Variants in TMTC1 observed in about 807,000 individuals in gnomAD.
TMTC1 encodes transmembrane O-mannosyltransferase targeting cadherins 1.
Under a neutral mutation model 104.8 loss-of-function variants are expected in TMTC1, and 73 were observed. The observed-to-expected ratio is 0.70, with a 90% CI of 0.58 to 0.85. TMTC1 has a LOEUF of 0.85. Ranked by LOEUF, TMTC1 falls within the 40% of genes least tolerant of loss-of-function variation. TMTC1 has a pLI of 0.00. For synonymous variants in TMTC1, 434 were observed against 428.7 expected (o/e 1.01, Z -0.15); for missense variants, 1,035 against 1,096.1 (o/e 0.94, Z 0.79).
chr12:29,670,255 G>C (rs902083822), intron 5 of TMTC1, among the ~76,000 whole-genome samples: 2 of 152,218 alleles, frequency 1.3e-5, no homozygotes, highest in East Asian at 3.9e-4. Flanking sequence ...TTTGATACTG[G>C]GACTGTCTGG....
intron 5 of TMTC1, among the ~76,000 whole-genome samples, chr12:29,682,340 T>G (rs921797960): frequency 1.3e-5 from 2 of 152,114 alleles, no homozygotes; most frequent in African/African-American, 4.8e-5. Flanking sequence ...CTTAAAAAGC[T>G]CAACATACAG....
chr12:29,573,117 CG>C (rs1555171030), intron 8 of TMTC1, among the ~76,000 whole-genome samples: 1 of 152,044 alleles, frequency 6.6e-6, no homozygotes, highest in Non-Finnish European at 1.5e-5. Flanking sequence ...GCACAGTACT[CG>C]GGGGTGCTGT....
intron 5 of TMTC1, among the ~76,000 whole-genome samples, chr12:29,691,827 T>A (rs1323802891): frequency 7.0e-6 from 1 of 143,048 alleles, no homozygotes; most frequent in Non-Finnish European, 1.5e-5. Context: ...AGGAAAAACA[T>A]GAAATTCGGG....
At chr12:29,601,916 A>C (rs1367852162) in intron 7 of TMTC1, among the ~76,000 whole-genome samples, 1 of 143,846 alleles carries the variant, frequency 7.0e-6, no homozygotes, top group African/African-American at 2.6e-5. Flanking sequence ...GCTCACTGCA[A>C]GTTCCGCCTC....
At chr12:29,660,062 C>A in intron 5 of TMTC1, 2 of 1,145,960 alleles carry the variant, frequency 1.7e-6, no homozygotes, top group Non-Finnish European at 2.5e-6. Context: ...GTTCCTCTAA[C>A]AGGGAATGAA....
chr12:29,722,457 C>G (rs1942262591), intron 5 of TMTC1, among the ~76,000 whole-genome samples: 1 of 152,154 alleles, frequency 6.6e-6, no homozygotes, highest in Non-Finnish European at 1.5e-5. Flanking sequence ...CAGGTAATGA[C>G]AAAGCTGCCT....
In TMTC1 at chr12:29,514,996, C is replaced by T. The variant is rs572282407; in HGVS notation, c.2308-392G>A. ...TGCCACTGCACTCCAGCCTGGGCAA[C>T]AGAGGAAGACCTTGTCTCAAATATA... On this transcript the variant is annotated intron_variant, in intron 15 of 17. Transcript: ENST00000539277. Among the ~76,000 whole-genome samples, 34 of 152,230 alleles carry T rather than the reference C, an allele frequency of 2.2e-4. 1 individual carries two copies. Among genetic ancestry groups the T allele is most frequent in the African/African-American group, 7.9e-4 (33 of 41,512 alleles).
chr12:29,743,022 G>T (rs1942866877), intron 5 of TMTC1, among the ~76,000 whole-genome samples: 2 of 152,164 alleles, frequency 1.3e-5, no homozygotes, highest in African/African-American at 4.8e-5. Context: ...ATGGGAGAGG[G>T]GAGTTAAATC....
chr12:29,633,416 TA>T (rs1239240864), intron 5 of TMTC1, 80 bp from the exon 6 acceptor site: 53 of 1,188,384 alleles, frequency 4.5e-5, no homozygotes, highest in Non-Finnish European at 6.2e-5. Flanking sequence ...ATATTTTTAT[TA>T]AATAGCATTT....
chr12:29,688,725 C>A (rs1318136007), intron 5 of TMTC1, among the ~76,000 whole-genome samples: 1 of 152,058 alleles, frequency 6.6e-6, no homozygotes, highest in Non-Finnish European at 1.5e-5. Flanking sequence ...TAGGGGTGTA[C>A]CCATTTCATA....
At chr12:29,683,766 AT>A (rs1174990910) in intron 5 of TMTC1, among the ~76,000 whole-genome samples, 3 of 152,234 alleles carry the variant, frequency 2.0e-5, no homozygotes, top group Non-Finnish European at 4.4e-5. Flanking sequence ...TCTCCTAATT[AT>A]TCAGAAGTTG....
At chr12:29,745,509 T>C (rs1253370105) in intron 5 of TMTC1, among the ~76,000 whole-genome samples, 1 of 149,704 alleles carries the variant, frequency 6.7e-6, no homozygotes, top group Non-Finnish European at 1.5e-5. Flanking sequence ...TAATCCCAGC[T>C]ACTCGGGAGG....
At chr12:29,737,045 T>C (rs898032677) in intron 5 of TMTC1, among the ~76,000 whole-genome samples, 11 of 152,220 alleles carry the variant, frequency 7.2e-5, no homozygotes, top group African/African-American at 2.4e-4. Flanking sequence ...TTTTCAAAAA[T>C]TGTATTTAAA....
intron 4 of TMTC1, among the ~76,000 whole-genome samples, chr12:29,755,200 G>A (rs922465419): frequency 3.3e-5 from 5 of 152,002 alleles, no homozygotes; most frequent in Admixed American, 1.3e-4. Flanking sequence ...TGAATATGAC[G>A]TGTACGTACT....
At chr12:29,730,054 A>C (rs1942506599) in intron 5 of TMTC1, among the ~76,000 whole-genome samples, 1 of 151,998 alleles carries the variant, frequency 6.6e-6, no homozygotes, top group Non-Finnish European at 1.5e-5. Flanking sequence ...GATGGGGGGA[A>C]GTAAGCCACA....
chr12:29,704,945 T>G (rs988406376), intron 5 of TMTC1, among the ~76,000 whole-genome samples: 1 of 148,736 alleles, frequency 6.7e-6, no homozygotes, highest in Non-Finnish European at 1.5e-5. Context: ...TTAAAACTAT[T>G]TATATGTTAT....
intron 10 of TMTC1, among the ~76,000 whole-genome samples, chr12:29,540,137 T>C (rs1944756548): frequency 6.6e-6 from 1 of 152,198 alleles, no homozygotes; most frequent in African/African-American, 2.4e-5. Flanking sequence ...ATTTTTCTTC[T>C]CTGAGATCCT....
chr12:29,644,945 C>T (rs979043212), intron 5 of TMTC1, among the ~76,000 whole-genome samples: 5 of 152,158 alleles, frequency 3.3e-5, no homozygotes, highest in African/African-American at 1.2e-4. Flanking sequence ...TCCATATCAT[C>T]CCTCCCCAGG....
intron 6 of TMTC1, among the ~76,000 whole-genome samples, chr12:29,630,687 G>C (rs1938252468): frequency 6.6e-6 from 1 of 152,184 alleles, no homozygotes; most frequent in South Asian, 2.1e-4. Flanking sequence ...TAGGTCATTA[G>C]ATTTTTCCCA....
Sources: allele counts gnomAD v4.1 joint callset (sites outside exome capture counted in the v4.1 genomes callset), GRCh38; gene constraint gnomAD v4.1.1; transcripts MANE v1.5; gene names NCBI Gene and HGNC (gene_info 2026-07-23, HGNC 2026-07-21).